DNAI4: variants seen among roughly 807,000 people sequenced by gnomAD.
The protein encoded by DNAI4 is dynein axonemal intermediate chain 4, also known as WD repeat domain 78.
DNAI4 carries 85 observed loss-of-function variants against 105.8 expected under a neutral mutation model. The ratio of observed to expected loss-of-function variants is 0.80; its 90% CI spans 0.67 to 0.96. The LOEUF is 0.96. DNAI4 is among the 40% of genes least tolerant of loss of function. The probability of loss-of-function intolerance (pLI) is 0.00; values close to 1 mark genes in which losing one functional copy is unlikely to be tolerated. For missense variants in DNAI4, 1,014 were observed against 1,005.6 expected, an observed-to-expected ratio of 1.01 and a Z score of -0.11; for synonymous variants, 352 against 331.5, an observed-to-expected ratio of 1.06 and a Z score of -0.67.
At chr1:66,914,486 G>T (rs531559748) in intron 1 of DNAI4, among the ~76,000 whole-genome samples, 2 of 152,172 alleles carry the variant, frequency 1.3e-5, no homozygotes, top group East Asian at 1.9e-4. Context: ...GCATTAAAAA[G>T]ACTTTTATAA....
chr1:66,913,180 C>G (rs1480091743), intron 1 of DNAI4, among the ~76,000 whole-genome samples: 1 of 152,130 alleles, frequency 6.6e-6, no homozygotes, highest in Non-Finnish European at 1.5e-5. Flanking sequence ...AGGTAAGTAA[C>G]TGACTTGGGG....
intron 2 of DNAI4, among the ~76,000 whole-genome samples, chr1:66,895,382 TG>T (rs1648233558): frequency 6.6e-6 from 1 of 152,174 alleles, no homozygotes; most frequent in Non-Finnish European, 1.5e-5. Context: ...GCAAGAGGAC[TG>T]CTTAAGCCCA....
chr1:66,851,813 T>C (rs1572649865), intron 7 of DNAI4, among the ~76,000 whole-genome samples: 1 of 151,818 alleles, frequency 6.6e-6, no homozygotes, highest in Non-Finnish European at 1.5e-5. Context: ...GCATTAAATG[T>C]ATACATTAGA....
intron 1 of DNAI4, among the ~76,000 whole-genome samples, chr1:66,916,382 C>T (rs1392252237): frequency 6.6e-6 from 1 of 152,078 alleles, no homozygotes; most frequent in Non-Finnish European, 1.5e-5. Context: ...CATTAAGTTA[C>T]AGGGTTTTGA....
intron 15 of DNAI4, among the ~76,000 whole-genome samples, chr1:66,824,892 T>C (rs946879983): frequency 2.0e-5 from 3 of 152,218 alleles, no homozygotes; most frequent in Non-Finnish European, 4.4e-5. Flanking sequence ...AAAAGAATGA[T>C]ATCCACCAAA....
intron 2 of DNAI4, among the ~76,000 whole-genome samples, chr1:66,894,069 T>A (rs1278077213): frequency 3.3e-5 from 5 of 152,212 alleles, no homozygotes; most frequent in Non-Finnish European, 7.4e-5. Flanking sequence ...ATGCTTCTGG[T>A]TTATGTGCTT....
rs3008850 is a variant in DNAI4 at position 66,916,887 on chromosome 1, G to C, written c.170+7775C>G. Among the ~76,000 whole-genome samples the C allele has an allele frequency of 4.1e-3, 543 of 130,938 alleles. 2 individuals carry two copies. Among genetic ancestry groups the C allele is most frequent in the African/African-American group, 0.02 (528 of 26,476 alleles). The allele number at this position is 130,938 out of a possible 152,430, so 85.9% of individuals were successfully genotyped here. Reference sequence around the variant, plus strand: ...CCTTTCTCAAAGAATGAAGATTTTTGCCTTTTTTTTTTAATTCCTTATCAC... The same window carrying C: ...CCTTTCTCAAAGAATGAAGATTTTTCCCTTTTTTTTTTAATTCCTTATCAC... On this transcript the variant is annotated intron_variant, in intron 1 of 16. Transcript: ENST00000371026.
chr1:66,848,352 G>T (rs1340221419), intron 7 of DNAI4: 4 of 431,528 alleles, frequency 9.3e-6, no homozygotes, highest in Non-Finnish European at 1.8e-5. Context: ...CATGTGATTA[G>T]ACTGGGCCCA....
At chr1:66,819,337 A>T (rs925224265) in intron 16 of DNAI4, among the ~76,000 whole-genome samples, 1 of 152,188 alleles carries the variant, frequency 6.6e-6, no homozygotes, top group African/African-American at 2.4e-5. Flanking sequence ...TCACAAAAGC[A>T]TTCTCTTATT....
chr1:66,866,431 A>G (rs1357775916), intron 6 of DNAI4, among the ~76,000 whole-genome samples: 4 of 152,230 alleles, frequency 2.6e-5, no homozygotes, highest in Non-Finnish European at 1.5e-5. Context: ...GCAAGCATCT[A>G]GGTTATGGTA....
intron 16 of DNAI4, among the ~76,000 whole-genome samples, chr1:66,815,819 A>G (rs534493595): frequency 6.6e-6 from 1 of 152,346 alleles, no homozygotes; most frequent in Admixed American, 6.5e-5. Flanking sequence ...TAGCTACATC[A>G]TAAAGTTACA....
chr1:66,833,220 A>G (rs900138144), intron 13 of DNAI4, among the ~76,000 whole-genome samples: 3 of 152,214 alleles, frequency 2.0e-5, no homozygotes, highest in African/African-American at 7.2e-5. Context: ...AATTTTAAAA[A>G]AAAGCTTTAT....
chr1:66,851,515 C>T (rs1646396395), intron 7 of DNAI4, among the ~76,000 whole-genome samples: 2 of 151,744 alleles, frequency 1.3e-5, no homozygotes, highest in African/African-American at 4.8e-5. Flanking sequence ...CCAGGCCATA[C>T]AACAAACCTT....
At chr1:66,859,649 A>G (rs1027990997) in intron 7 of DNAI4, among the ~76,000 whole-genome samples, 1 of 152,208 alleles carries the variant, frequency 6.6e-6, no homozygotes, top group African/African-American at 2.4e-5. Context: ...GCCATGAAAA[A>G]ACATAGAGGA....
Position 66,871,443 on chromosome 1 carries a change from C to T in DNAI4, c.867G>A (p.Arg289=). Residue 289 remains arginine, a synonymous_variant, in exon 6 of 17, where the codon AGG becomes AGA. Coordinates refer to ENST00000371026, the MANE Select transcript of DNAI4 (RefSeq NM_024763.5). ...GTGCTCCATTGAAAGTCTGCATCAT[C>T]CTTTCAACATATAGGTCATTGCCTA... ...NRLGNDLYVE[R]MMQTFNGAPK... The T allele has an allele frequency of 6.2e-7, 1 of 1,610,592 alleles. No homozygotes were observed. The highest frequency in any genetic ancestry group is 8.5e-7 in the Non-Finnish European group (1 of 1,177,446).
intron 16 of DNAI4, among the ~76,000 whole-genome samples, chr1:66,817,519 G>A (rs1645542743): frequency 6.6e-6 from 1 of 151,896 alleles, no homozygotes; most frequent in East Asian, 1.9e-4. Flanking sequence ...GCTGCAGTGA[G>A]CCAAGATCAG....
chr1:66,867,553 A>AT (rs901907697), intron 6 of DNAI4, among the ~76,000 whole-genome samples: 162 of 147,854 alleles, frequency 1.1e-3, no homozygotes, highest in African/African-American at 3.5e-3. Flanking sequence ...TATTCTTTGG[A>AT]TTTTTTTTTA....
intron 1 of DNAI4, 37 bp downstream of exon 1, chr1:66,924,625 A>C (rs1557996889): frequency 4.3e-6 from 7 of 1,613,924 alleles, no homozygotes; most frequent in Non-Finnish European, 5.9e-6. Flanking sequence ...TCCGGGTCCC[A>C]GGGGGATGGA....
chr1:66,825,289 C>T (rs1340042684), intron 15 of DNAI4, among the ~76,000 whole-genome samples: 1 of 150,072 alleles, frequency 6.7e-6, no homozygotes, highest in Non-Finnish European at 1.5e-5. Flanking sequence ...ACGCCATTCT[C>T]CTGCCTCAGC....
Sources: gnomAD v4.1 joint callset for allele counts (sites outside exome capture counted in the v4.1 genomes callset) on GRCh38, gnomAD v4.1.1 for gene constraint, MANE v1.5 for transcripts, NCBI Gene and HGNC (gene_info 2026-07-23, HGNC 2026-07-21) for gene names.